UBE2E2: variants seen among roughly 807,000 people sequenced by gnomAD.
UBE2E2 encodes ubiquitin conjugating enzyme E2 E2.
A neutral mutation model predicts 24.7 loss-of-function variants in UBE2E2; 6 were observed. That is an observed-to-expected ratio of 0.24 (90% CI 0.13 to 0.48). The LOEUF (loss-of-function observed/expected upper bound fraction) is 0.48. UBE2E2 is among the 20% of genes least tolerant of loss of function. The pLI, the probability that UBE2E2 is intolerant of heterozygous loss-of-function variation, is 0.99. For missense variants in UBE2E2, 169 were observed against 245.0 expected, an observed-to-expected ratio of 0.69 and a Z score of 2.07; for synonymous variants, 104 against 83.6, an observed-to-expected ratio of 1.24 and a Z score of -1.33.
intron 3 of UBE2E2, among the ~76,000 whole-genome samples, chr3:23,249,134 G>A (rs1456235459): frequency 6.6e-6 from 1 of 152,012 alleles, no homozygotes; most frequent in African/African-American, 2.4e-5. Flanking sequence ...AGCTGGGCAT[G>A]GTGGCACACA....
intron 3 of UBE2E2, among the ~76,000 whole-genome samples, chr3:23,257,512 G>GCCCCCCCCCCC (rs5847227): frequency 6.4e-5 from 2 of 31,148 alleles, no homozygotes; most frequent in Non-Finnish European, 1.2e-4. Flanking sequence ...TGTTTCCCGT[G>GCCCCCCCCCCC]CCCCCCCCCC....
intron 3 of UBE2E2, among the ~76,000 whole-genome samples, chr3:23,274,661 C>G (rs1698337111): frequency 6.6e-6 from 1 of 152,114 alleles, no homozygotes; most frequent in Non-Finnish European, 1.5e-5. Flanking sequence ...GCCATCGCGC[C>G]CAGCCTAAGA....
intron 3 of UBE2E2, among the ~76,000 whole-genome samples, chr3:23,224,349 G>A (rs1696757563): frequency 6.6e-6 from 1 of 151,356 alleles, no homozygotes; most frequent in Non-Finnish European, 1.5e-5. Context: ...CAGTTTTATA[G>A]TTTTCTTTGT....
intron 5 of UBE2E2, among the ~76,000 whole-genome samples, chr3:23,571,835 T>C (rs1696239951): frequency 6.6e-6 from 1 of 152,186 alleles, no homozygotes; most frequent in African/African-American, 2.4e-5. Flanking sequence ...GAAAGCCATC[T>C]TTTGGAGGGG....
At chr3:23,223,887 A>T (rs950156334) in intron 3 of UBE2E2, among the ~76,000 whole-genome samples, 2 of 152,134 alleles carry the variant, frequency 1.3e-5, no homozygotes, top group African/African-American at 4.8e-5. Flanking sequence ...TCCCAGCACC[A>T]TTTATTGAAA....
At chr3:23,283,422 A>G (rs1188849400) in intron 3 of UBE2E2, among the ~76,000 whole-genome samples, 2 of 152,150 alleles carry the variant, frequency 1.3e-5, no homozygotes, top group African/African-American at 4.8e-5. Flanking sequence ...CACGTATGCA[A>G]GCTTTCAGAA....
rs542608329 is a variant in UBE2E2 at position 23,457,081 on chromosome 3, A to G, written c.228-42527A>G. Among the ~76,000 whole-genome samples, 28 of 152,328 alleles carry G rather than the reference A, an allele frequency of 1.8e-4. No homozygotes were observed. In the East Asian group the frequency reaches 4.6e-3, roughly 25 times the overall value. On this transcript the variant is annotated intron_variant, in intron 3 of 5. Coordinates refer to ENST00000396703, the MANE Select transcript of UBE2E2 (RefSeq NM_152653.4). ...AAAACCTTCCTGAACAATGGTGAAA[A>G]CAAGCTTTTATTGGGCTGGTTAACT... is the stretch of plus-strand genomic sequence containing the variant.
intron 5 of UBE2E2, among the ~76,000 whole-genome samples, chr3:23,551,193 G>T (rs545916292): frequency 1.3e-5 from 2 of 151,998 alleles, no homozygotes; most frequent in East Asian, 3.9e-4. Flanking sequence ...ATATTACCAC[G>T]GACTTAAAAG....
chr3:23,461,606 T>C (rs535503366), intron 3 of UBE2E2, among the ~76,000 whole-genome samples: 1 of 152,268 alleles, frequency 6.6e-6, no homozygotes, highest in East Asian at 1.9e-4. Context: ...TATGATTTCC[T>C]TTATACAGGT....
At chr3:23,411,754 G>A (rs765205234) in intron 3 of UBE2E2, among the ~76,000 whole-genome samples, 9 of 152,048 alleles carry the variant, frequency 5.9e-5, no homozygotes, top group Non-Finnish European at 8.8e-5. Context: ...CAACTAGAAC[G>A]TTGAGATTGA....
chr3:23,222,788 C>T (rs967482198), intron 3 of UBE2E2, among the ~76,000 whole-genome samples: 43 of 152,118 alleles, frequency 2.8e-4, no homozygotes, highest in African/African-American at 1.0e-3. Flanking sequence ...TTGTAAGTAA[C>T]CTTTGTACTG....
intron 3 of UBE2E2, among the ~76,000 whole-genome samples, chr3:23,432,359 A>G (rs1170217187): frequency 6.6e-6 from 1 of 152,124 alleles, no homozygotes; most frequent in Non-Finnish European, 1.5e-5. Context: ...AAGTGAAACA[A>G]AAGGAATAAC....
At chr3:23,264,383 A>G (rs570389459) in intron 3 of UBE2E2, among the ~76,000 whole-genome samples, 6 of 152,108 alleles carry the variant, frequency 3.9e-5, no homozygotes, top group Admixed American at 1.3e-4. Context: ...AAAAAAAAAA[A>G]GGTGGGGAGG....
intron 5 of UBE2E2, among the ~76,000 whole-genome samples, chr3:23,537,701 A>G (rs553483369): frequency 3.9e-5 from 6 of 152,146 alleles, no homozygotes; most frequent in East Asian, 1.9e-4. Flanking sequence ...TTTTTAAGCA[A>G]TGAAAACAAT....
intron 3 of UBE2E2, among the ~76,000 whole-genome samples, chr3:23,353,121 C>G (rs1246299646): frequency 6.6e-6 from 1 of 152,110 alleles, no homozygotes; most frequent in Non-Finnish European, 1.5e-5. Flanking sequence ...TAAACAGAAC[C>G]AAAGACAAAA....
intron 3 of UBE2E2, among the ~76,000 whole-genome samples, chr3:23,300,731 T>G (rs1432799670): frequency 1.3e-5 from 2 of 152,114 alleles, no homozygotes; most frequent in Admixed American, 6.6e-5. Context: ...TTCCTTCATT[T>G]CAACTTTGGT....
At chr3:23,557,333 C>A (rs1349132276) in intron 5 of UBE2E2, among the ~76,000 whole-genome samples, 1 of 152,314 alleles carries the variant, frequency 6.6e-6, no homozygotes, top group Middle Eastern at 3.4e-3. Context: ...CTAAGCACTT[C>A]TATTTTACAA....
chr3:23,353,575 A>G (rs1695831947), intron 3 of UBE2E2, among the ~76,000 whole-genome samples: 1 of 152,344 alleles, frequency 6.6e-6, no homozygotes, highest in Non-Finnish European at 1.5e-5. Context: ...AATCACAAGC[A>G]TTCTTATACA....
chr3:23,496,493 A>G (rs527923657), intron 3 of UBE2E2, among the ~76,000 whole-genome samples: 5 of 152,076 alleles, frequency 3.3e-5, no homozygotes, highest in African/African-American at 1.2e-4. Context: ...CCTCAGTAGT[A>G]TATGTCCCTG....
Sources: allele counts gnomAD v4.1 joint callset (sites outside exome capture counted in the v4.1 genomes callset), GRCh38; gene constraint gnomAD v4.1.1; transcripts MANE v1.5; gene names NCBI Gene and HGNC (gene_info 2026-07-23, HGNC 2026-07-21).